The following PRPF3 variants were observed in gnomAD, a reference collection of about 807,000 sequenced individuals.
PRPF3 encodes U4/U6 small nuclear ribonucleoprotein Prp3.
PRPF3 carries 3 observed loss-of-function variants against 89.2 expected under a neutral mutation model. The observed-to-expected ratio is 0.03, with a 90% confidence interval of 0.02 to 0.09. The LOEUF is 0.09. Among genes scored for constraint, PRPF3 ranks in the 10% least tolerant of loss-of-function variants. The pLI is 1.00. For synonymous variants in PRPF3, 270 were observed against 289.1 expected (o/e 0.93, Z 0.67); for missense variants, 463 against 828.8 (o/e 0.56, Z 5.42).
intron 4 of PRPF3, among the ~76,000 whole-genome samples, chr1:150,331,097 C>T (rs1053917040): frequency 2.6e-5 from 4 of 151,122 alleles, no homozygotes; most frequent in African/African-American, 9.7e-5. Context: ...GAGTGCAATG[C>T]CGTGATCTCA....
chr1:150,322,221 A>G (rs1373731408), intron 1 of PRPF3, among the ~76,000 whole-genome samples: 1 of 152,208 alleles, frequency 6.6e-6, no homozygotes, highest in Non-Finnish European at 1.5e-5. Context: ...AGTGGAATAT[A>G]AGACCCGTTA....
chr1:150,349,942 C>G (rs1658740501), intron 15 of PRPF3, among the ~76,000 whole-genome samples: 1 of 152,076 alleles, frequency 6.6e-6, no homozygotes, highest in Admixed American at 6.6e-5. Context: ...GTTGCCCAGG[C>G]TGGAGTGCGA....
In PRPF3 at chr1:150,324,891, T is replaced by TTTTTAGGTG; in HGVS notation, c.-48-3_-48-2insTTTAGGTGT. 2 of 1,579,484 alleles carry TTTTTAGGTG rather than the reference T, an allele frequency of 1.3e-6. No homozygotes were observed. Among genetic ancestry groups the TTTTTAGGTG allele is most frequent in the Admixed American group, 3.7e-5 (2 of 54,648 alleles). On this transcript the variant is annotated splice_region_variant and splice_polypyrimidine_tract_variant and intron_variant, in intron 1 of 15. Transcript: ENST00000324862. ...TCTCTAACTTGTCTCTTTTTTTTTT[T>TTTTTAGGTG]TAGGTGTAGTATTGAGTCCTGTTTG...
intron 14 of PRPF3, 52 bp downstream of exon 14, chr1:150,346,543 G>A (rs782469151): frequency 1.3e-6 from 2 of 1,507,164 alleles, no homozygotes; most frequent in African/African-American, 2.8e-5. Flanking sequence ...AGGTGGGGAT[G>A]GTGCATCTGT....
chr1:150,331,840 G>C (rs1389476231), intron 4 of PRPF3, among the ~76,000 whole-genome samples: 1 of 152,128 alleles, frequency 6.6e-6, no homozygotes, highest in African/African-American at 2.4e-5. Context: ...GACAGAAGGG[G>C]TTTATAGAGA....
intron 4 of PRPF3, among the ~76,000 whole-genome samples, chr1:150,331,231 G>A (rs1656336633): frequency 6.6e-6 from 1 of 151,734 alleles, no homozygotes; most frequent in Non-Finnish European, 1.5e-5. Context: ...TAGAGATGGG[G>A]TTTCACCCTG....
chr1:150,333,726 A>C (rs1419616039), intron 6 of PRPF3, among the ~76,000 whole-genome samples: 1 of 152,154 alleles, frequency 6.6e-6, no homozygotes, highest in African/African-American at 2.4e-5. Context: ...ACTGAGATTA[A>C]GGTTATTCAT....
intron 4 of PRPF3, 148 bp downstream of exon 4, chr1:150,328,614 G>A (rs587727799): frequency 9.4e-6 from 8 of 851,428 alleles, no homozygotes; most frequent in East Asian, 5.7e-5. Context: ...ATACAGTGGC[G>A]CGATCTCAGC....
intron 14 of PRPF3, among the ~76,000 whole-genome samples, chr1:150,348,100 A>G (rs1658477003): frequency 6.6e-6 from 1 of 152,088 alleles, no homozygotes; most frequent in Non-Finnish European, 1.5e-5. Context: ...ATCTGCAGAG[A>G]GGCCTGGTGT....
rs782390597 is a variant in PRPF3 at position 150,349,164 on chromosome 1, G to A, written c.1851G>A (p.Glu617=). Residue 617 remains glutamate, a synonymous_variant, in exon 15 of 16, where the codon GAG becomes GAA. Coordinates refer to ENST00000324862, the MANE Select transcript of PRPF3 (RefSeq NM_004698.4). ...ACAAGATTTCTCTTCCAGATGATGA[G>A]GAGTCTGATGAGGAAGCTGTGAAGA... ...QTSNTKGDDD[E]ESDEEAVKKT... is the part of the protein sequence containing the mutation. 144 of 1,613,292 alleles carry A rather than the reference G, an allele frequency of 8.9e-5. No homozygotes were observed. The highest frequency in any genetic ancestry group is 1.5e-4 in the Admixed American group (9 of 59,986).
Position 150,325,389 on chromosome 1 carries a change from C to T in PRPF3, c.145+302C>T, listed in dbSNP as rs587646334. On this transcript the variant is annotated intron_variant, in intron 2 of 15. Transcript: ENST00000324862. ...TAGGCATATTCAGATTCAGACTGAA[C>T]ATCTCAACATACAAAAATCTTTATG... 7.9e-5 allele frequency among the ~76,000 whole-genome samples: 12 copies of T among 152,216 alleles called. No homozygotes were observed. In the South Asian group the frequency reaches 2.5e-3, roughly 32 times the overall value.
Position 150,352,994 on chromosome 1 carries a change from C to G in PRPF3, c.*15C>G. 6.2e-7 allele frequency: 1 copy of G among 1,613,804 alleles called. No individual in the cohort carries two copies. Reference sequence around the variant, plus strand: ...CCACTGATTGAGACTACTGCAAGCCCTTGCCTCTCCTCCCTTGCCTTTGTC... The same window carrying G: ...CCACTGATTGAGACTACTGCAAGCCGTTGCCTCTCCTCCCTTGCCTTTGTC... On this transcript the variant is annotated 3_prime_UTR_variant, in exon 16 of 16. Transcript: ENST00000324862.
intron 7 of PRPF3, 53 bp from the exon 8 acceptor site, chr1:150,338,107 C>G: frequency 6.5e-7 from 1 of 1,533,116 alleles, no homozygotes; most frequent in Non-Finnish European, 8.9e-7. Context: ...TCTACACATT[C>G]TGTTTTCTAT....
At chr1:150,330,499 G>A (rs1553865135) in intron 4 of PRPF3, 1 of 151,956 alleles carries the variant, frequency 6.6e-6, no homozygotes, top group African/African-American at 2.4e-5. Context: ...GGGACTACAG[G>A]TATGTACCAC....
intron 1 of PRPF3, among the ~76,000 whole-genome samples, chr1:150,323,171 G>A (rs1232840639): frequency 2.5e-5 from 1 of 39,678 alleles, no homozygotes; most frequent in Non-Finnish European, 4.8e-5. Flanking sequence ...CACCGCACCT[G>A]GCTTTTTTTT....
At position 150,346,029 on chromosome 1, in the gene PRPF3, T is replaced by G. The variant is rs1553872861; in HGVS notation, c.1652T>G (p.Leu551Trp). 1 of 1,614,136 alleles carries G rather than the reference T, an allele frequency of 6.2e-7. No homozygotes were observed. Among genetic ancestry groups the G allele is most frequent in the South Asian group, 1.1e-5 (1 of 91,066 alleles). The change falls in exon 13 of 16, where the codon TTG becomes TGG. Residue 551 changes from leucine (L) to tryptophan (W), a missense_variant. This residue lies in a region of PRPF3 where 261 missense variants were observed against 475.8 expected (regional missense o/e 0.55). Coordinates refer to ENST00000324862, the MANE Select transcript of PRPF3 (RefSeq NM_004698.4). ...VHISVYRVRN[L>W]SNPAKKFKIE... ...TTTCCCTTCTCCAGAGTTCGAAATT[T>G]GAGCAACCCAGCCAAGAAGTTCAAG...
chr1:150,347,768 C>T (rs1176124828), intron 14 of PRPF3, among the ~76,000 whole-genome samples: 3 of 151,954 alleles, frequency 2.0e-5, no homozygotes, highest in African/African-American at 7.3e-5. Flanking sequence ...ACCTACAGGA[C>T]ATCATAACAG....
intron 9 of PRPF3, among the ~76,000 whole-genome samples, chr1:150,342,670 G>A (rs894465729): frequency 7.2e-5 from 11 of 151,828 alleles, no homozygotes; most frequent in Non-Finnish European, 1.2e-4. Context: ...CTACAGGTGC[G>A]TGCCACCACG....
In PRPF3 at chr1:150,338,272, A is replaced by T; in HGVS notation, c.1148A>T (p.Asp383Val). Residue 383 changes from aspartate (D) to valine (V), a missense_variant, in exon 8 of 16, where the codon GAT becomes GTT. This residue lies in a region of PRPF3 where 261 missense variants were observed against 475.8 expected (regional missense o/e 0.55). Transcript: ENST00000324862. The stretch of plus-strand genomic sequence containing the variant: ...CCTAAGAAGGAGCTAAAGGAAGGAG[A>T]TATTCCTGAAATTGAGTGGTGGGAC... ...IAPKKELKEG[D>V]IPEIEWWDSY... 6.2e-7 allele frequency: 1 copy of T among 1,614,054 alleles called. No individual in the cohort carries two copies.
Sources: allele counts gnomAD v4.1 joint callset (sites outside exome capture counted in the v4.1 genomes callset), GRCh38; gene constraint gnomAD v4.1.1; regional missense constraint gnomAD v4.1.1; transcripts MANE v1.5; gene names NCBI Gene and HGNC (gene_info 2026-07-23, HGNC 2026-07-21).